The following CNTN5 variants were observed in gnomAD, a reference collection of about 807,000 sequenced individuals.
CNTN5 encodes contactin 5.
CNTN5 carries 77 observed loss-of-function variants against 129.1 expected under a neutral mutation model. The observed-to-expected ratio is 0.60, with a 90% CI of 0.50 to 0.72. CNTN5 has a LOEUF of 0.72. Among genes scored for constraint, CNTN5 ranks in the 30% least tolerant of loss-of-function variants. The pLI is 0.00. For synonymous variants in CNTN5, 509 were observed against 465.6 expected, an observed-to-expected ratio of 1.09 and a Z score of -1.20; for missense variants, 1,478 against 1,328.8, an observed-to-expected ratio of 1.11 and a Z score of -1.75.
At chr11:99,337,544 A>G (rs918307795) in intron 2 of CNTN5, among the ~76,000 whole-genome samples, 1 of 152,224 alleles carries the variant, frequency 6.6e-6, no homozygotes, top group African/African-American at 2.4e-5. Context: ...CGGCTTAAGA[A>G]TGACTTTAGG....
At chr11:99,438,041 T>C (rs1257580332) in intron 2 of CNTN5, among the ~76,000 whole-genome samples, 1 of 152,184 alleles carries the variant, frequency 6.6e-6, no homozygotes, top group Admixed American at 6.5e-5. Flanking sequence ...TTATATATCA[T>C]TAAATGCTTG....
chr11:99,600,258 T>TA (rs1950273000), intron 3 of CNTN5, among the ~76,000 whole-genome samples: 2 of 151,982 alleles, frequency 1.3e-5, no homozygotes, highest in Admixed American at 1.3e-4. Context: ...GACATGTAAA[T>TA]ATATTTTCTC....
intron 2 of CNTN5, among the ~76,000 whole-genome samples, chr11:99,465,874 C>CTTT (rs35950728): frequency 2.1e-4 from 22 of 106,380 alleles, no homozygotes; most frequent in Admixed American, 9.2e-4. Flanking sequence ...TGCCACACAC[C>CTTT]TTTTTTTTTT....
intron 9 of CNTN5, among the ~76,000 whole-genome samples, chr11:100,003,455 T>C (rs1276250692): frequency 6.6e-6 from 1 of 152,168 alleles, no homozygotes; most frequent in East Asian, 1.9e-4. Flanking sequence ...AAAAATAATA[T>C]ATTCTGGCTT....
At chr11:100,088,080 A>G (rs1278688495) in intron 13 of CNTN5, among the ~76,000 whole-genome samples, 1 of 151,968 alleles carries the variant, frequency 6.6e-6, no homozygotes, top group Non-Finnish European at 1.5e-5. Flanking sequence ...GAGACACAAC[A>G]CACCAAAATC....
At chr11:99,754,922 C>A (rs1390672858) in intron 3 of CNTN5, among the ~76,000 whole-genome samples, 1 of 152,122 alleles carries the variant, frequency 6.6e-6, no homozygotes, top group African/African-American at 2.4e-5. Flanking sequence ...ACTGTTCATT[C>A]CCCTCTGCCC....
intron 8 of CNTN5, among the ~76,000 whole-genome samples, chr11:99,981,103 TACACACAC>T (rs1555171291): frequency 3.7e-5 from 2 of 54,478 alleles, no homozygotes; most frequent in Admixed American, 1.9e-4. Context: ...TATATATATA[TACACACAC>T]ACACACATAT....
At chr11:100,202,829 C>G (rs1591388403) in intron 15 of CNTN5, among the ~76,000 whole-genome samples, 1 of 151,930 alleles carries the variant, frequency 6.6e-6, no homozygotes, top group Non-Finnish European at 1.5e-5. Context: ...TAATGAAGAC[C>G]TGAGCAACAC....
intron 1 of CNTN5, among the ~76,000 whole-genome samples, chr11:99,041,244 G>T (rs11218159): frequency 1.3e-5 from 2 of 151,970 alleles, no homozygotes; most frequent in Admixed American, 6.6e-5. Flanking sequence ...ATCTGCTTTT[G>T]TTCAATCATT....
chr11:99,927,335 G>T lies in CNTN5; in HGVS notation c.673+11186G>T, dbSNP rs181630119. On this transcript the variant is annotated intron_variant, in intron 7 of 24. Transcript: ENST00000524871. ...AATAAATAAAAACACAGAGATCCAG[G>T]TCTGTGAATTCAAACCCTATGTCCT... 3.1e-3 allele frequency among the ~76,000 whole-genome samples: 475 copies of T among 152,152 alleles called. 1 individual carries two copies. The highest frequency in any genetic ancestry group is 0.014 in the Middle Eastern group (4 of 294).
At chr11:99,124,655 A>G (rs191601417) in intron 1 of CNTN5, among the ~76,000 whole-genome samples, 21 of 152,148 alleles carry the variant, frequency 1.4e-4, no homozygotes, top group Admixed American at 1.4e-3. Context: ...GAAGAGCTAT[A>G]CAAATAATCA....
chr11:99,578,220 G>A (rs1024847141), intron 3 of CNTN5, among the ~76,000 whole-genome samples: 1 of 151,884 alleles, frequency 6.6e-6, no homozygotes, highest in Non-Finnish European at 1.5e-5. Flanking sequence ...TCTTAATCCA[G>A]TCTATCATTG....
At position 99,667,388 on chromosome 11, in the gene CNTN5, T is replaced by A. The variant is rs75785333; in HGVS notation, c.55+111119T>A. On this transcript the variant is annotated intron_variant, in intron 3 of 24. Coordinates refer to ENST00000524871, the MANE Select transcript of CNTN5 (RefSeq NM_014361.4). ...AAAAGTAAATGGCATTTATAAGACGTGATTATGTGGAAATTGACTTTTAAT... is the reference window on the plus strand; with the variant it reads ...AAAAGTAAATGGCATTTATAAGACGAGATTATGTGGAAATTGACTTTTAAT... 7.6e-3 allele frequency among the ~76,000 whole-genome samples: 1,153 copies of A among 152,234 alleles called. 91 individuals are homozygous for A. In the East Asian group the frequency reaches 0.18, roughly 24 times the overall value.
intron 1 of CNTN5, among the ~76,000 whole-genome samples, chr11:99,044,977 A>G (rs1258676914): frequency 6.6e-6 from 1 of 152,196 alleles, no homozygotes; most frequent in African/African-American, 2.4e-5. Context: ...CTCCTCATGT[A>G]TAAAATGATA....
chr11:99,376,809 T>C (rs1940212553), intron 2 of CNTN5, among the ~76,000 whole-genome samples: 1 of 152,168 alleles, frequency 6.6e-6, no homozygotes, highest in Non-Finnish European at 1.5e-5. Context: ...ATTCCTACAT[T>C]TCCAAATCAG....
At position 100,355,054 on chromosome 11, in the gene CNTN5, CTAAT is replaced by C. The variant is rs1222066805; in HGVS notation, c.3200-1062_3200-1059del. On this transcript the variant is annotated intron_variant, in intron 24 of 24. Transcript: ENST00000524871. ...TACATTTATAAAAACAATTTTTTCT[CTAAT>C]AAACTTAGCTTACTGTAACTGTTTT... Among the ~76,000 whole-genome samples the C allele has an allele frequency of 2.0e-5, 3 of 151,616 alleles. No individual in the cohort carries two copies. The East Asian group carries it at 5.8e-4, about 29-fold the overall frequency.
At chr11:99,684,109 T>C (rs1334931607) in intron 3 of CNTN5, among the ~76,000 whole-genome samples, 1 of 151,804 alleles carries the variant, frequency 6.6e-6, no homozygotes, top group Non-Finnish European at 1.5e-5. Flanking sequence ...AACCCCCGTC[T>C]GGTAACCACA....
At chr11:100,333,617 C>T (rs1006949424) in intron 21 of CNTN5, among the ~76,000 whole-genome samples, 1 of 151,860 alleles carries the variant, frequency 6.6e-6, no homozygotes, top group Non-Finnish European at 1.5e-5. Context: ...AATAGAGAAC[C>T]CAGAAATAAA....
intron 2 of CNTN5, among the ~76,000 whole-genome samples, chr11:99,411,331 C>T (rs1418567164): frequency 6.6e-6 from 1 of 152,034 alleles, no homozygotes; most frequent in East Asian, 1.9e-4. Flanking sequence ...CCAGCCTGGG[C>T]AACATGGTGA....
Sources: allele counts gnomAD v4.1 joint callset (sites outside exome capture counted in the v4.1 genomes callset), GRCh38; gene constraint gnomAD v4.1.1; transcripts MANE v1.5; gene names NCBI Gene and HGNC (gene_info 2026-07-23, HGNC 2026-07-21).